The following EXOC6 variants were observed in gnomAD, a reference collection of about 807,000 sequenced individuals.
EXOC6 encodes the protein exocyst complex component 6.
Under a neutral mutation model 112.5 loss-of-function variants are expected in EXOC6, and 60 were observed. The ratio of observed to expected loss-of-function variants is 0.53; its 90% CI spans 0.43 to 0.66. The LOEUF (loss-of-function observed/expected upper bound fraction) is 0.66, where lower values mean the gene tolerates loss of function less well. Ranked by LOEUF, EXOC6 falls within the 30% of genes least tolerant of loss-of-function variation. The pLI is 0.00. For missense variants in EXOC6, 855 were observed against 957.1 expected (o/e 0.89, Z 1.41); for synonymous variants, 295 against 308.0 (o/e 0.96, Z 0.44).
rs1462708998 is a variant in EXOC6 at position 92,954,622 on chromosome 10, G to A, written c.1527-8G>A. The A allele has an allele frequency of 2.0e-6, 3 of 1,474,376 alleles. No homozygotes were observed. The highest frequency in any genetic ancestry group is 2.8e-6 in the Non-Finnish European group (3 of 1,063,558). 91.3% of individuals were successfully genotyped at this position (1,474,376 alleles called of 1,614,324 possible). A position where few individuals can be genotyped will look rare whatever the true frequency, so the allele number is the denominator to read the frequency against. On this transcript the variant is annotated splice_polypyrimidine_tract_variant and splice_region_variant and intron_variant, in intron 15 of 21. Transcript: ENST00000260762. Reference sequence around the variant, plus strand: ...ATTAAGTTTAATAATATCAATCTTTGTTTTTAGCTCAACAGAAATAGACGA... The same window carrying A: ...ATTAAGTTTAATAATATCAATCTTTATTTTTAGCTCAACAGAAATAGACGA...
At chr10:92,901,289 C>T (rs937875434) in intron 5 of EXOC6, 33 of 152,070 alleles carry the variant, frequency 2.2e-4, no homozygotes, top group African/African-American at 8.0e-4. Context: ...TTTTATCATT[C>T]TTGCCTTAAT....
intron 9 of EXOC6, among the ~76,000 whole-genome samples, chr10:92,933,856 G>C (rs971205792): frequency 1.3e-5 from 2 of 152,096 alleles, no homozygotes; most frequent in Non-Finnish European, 2.9e-5. Context: ...TAGGAGGATG[G>C]TATAATACAT....
intron 8 of EXOC6, among the ~76,000 whole-genome samples, 173 bp from the exon 9 acceptor site, chr10:92,928,166 A>G (rs1342424061): frequency 1.3e-5 from 2 of 152,236 alleles, no homozygotes; most frequent in Non-Finnish European, 2.9e-5. Flanking sequence ...CAAACAAATT[A>G]CTATCTTTAA....
chr10:93,014,351 A>C, intron 20 of EXOC6, 84 bp downstream of exon 20: 1 of 1,040,016 alleles, frequency 9.6e-7, no homozygotes, highest in Non-Finnish European at 1.5e-6. Flanking sequence ...ATGCTACAGG[A>C]ATGCCTGTTT....
At chr10:93,039,016 TA>T (rs754095254) in intron 20 of EXOC6, among the ~76,000 whole-genome samples, 46 of 152,072 alleles carry the variant, frequency 3.0e-4, no homozygotes, top group Non-Finnish European at 6.5e-4. Context: ...TGTATATATA[TA>T]TATACCATCT....
intron 17 of EXOC6, among the ~76,000 whole-genome samples, chr10:92,959,765 C>T (rs1853883754): frequency 6.6e-6 from 1 of 152,112 alleles, no homozygotes; most frequent in Admixed American, 6.6e-5. Flanking sequence ...AAAGATGTTC[C>T]ATATATATGT....
chr10:92,954,865 G>GT (rs1278555094), intron 16 of EXOC6, 124 bp downstream of exon 16: 1 of 518,248 alleles, frequency 1.9e-6, no homozygotes, highest in Non-Finnish European at 3.3e-6. Context: ...AAGCAGATTT[G>GT]TTTTCAAAAT....
intron 1 of EXOC6, among the ~76,000 whole-genome samples, chr10:92,853,465 T>C (rs1177265144): frequency 6.6e-6 from 1 of 152,204 alleles, no homozygotes; most frequent in Non-Finnish European, 1.5e-5. Context: ...ATGAACAGAA[T>C]TGGAGGACCC....
intron 17 of EXOC6, among the ~76,000 whole-genome samples, chr10:92,955,929 G>A (rs1415239629): frequency 2.0e-5 from 3 of 152,118 alleles, no homozygotes; most frequent in Admixed American, 2.0e-4. Flanking sequence ...TTTCTACAGT[G>A]TATTATGCTT....
Position 92,926,063 on chromosome 10 carries a change from A to AC in EXOC6, c.889-2276_889-2275insC, listed in dbSNP as rs961861570. On this transcript the variant is annotated intron_variant, in intron 8 of 21. Transcript: ENST00000260762. ...TAGGGTGGACTTTTTAAAAAAAAAA[A>AC]AAAACAAATGCCCTAAGTCTGCAGG... 6.6e-5 allele frequency among the ~76,000 whole-genome samples: 10 copies of AC among 151,870 alleles called. No individual in the cohort carries two copies. In the East Asian group the frequency reaches 7.7e-4, roughly 12 times the overall value.
intron 1 of EXOC6, among the ~76,000 whole-genome samples, chr10:92,858,440 CTT>C (rs1414297495): frequency 6.6e-6 from 1 of 151,774 alleles, no homozygotes; most frequent in Non-Finnish European, 1.5e-5. Flanking sequence ...TTTTTTCTCT[CTT>C]ACTGTTTTTT....
intron 1 of EXOC6, among the ~76,000 whole-genome samples, chr10:92,858,040 A>G (rs1165403364): frequency 1.0e-5 from 1 of 99,280 alleles, no homozygotes; most frequent in Non-Finnish European, 2.1e-5. Flanking sequence ...TCCGCCGGCC[A>G]GCAGTTTGAA....
At chr10:92,889,377 C>A (rs749012457) in intron 1 of EXOC6, among the ~76,000 whole-genome samples, 1 of 152,090 alleles carries the variant, frequency 6.6e-6, no homozygotes, top group Non-Finnish European at 1.5e-5. Context: ...AGAGATTTCC[C>A]ATATATTCCC....
chr10:92,941,729 C>G (rs1379185694), intron 13 of EXOC6, among the ~76,000 whole-genome samples: 1 of 152,074 alleles, frequency 6.6e-6, no homozygotes, highest in Admixed American at 6.5e-5. Flanking sequence ...CTTAAAGAAT[C>G]TAAACGAGAA....
intron 1 of EXOC6, among the ~76,000 whole-genome samples, chr10:92,851,772 A>C (rs2901633): frequency 0.41 from 62,705 of 151,850 alleles, 13,541 homozygotes; most frequent in African/African-American, 0.52. Context: ...AAAAAAGGTT[A>C]AGAAATATTA....
intron 20 of EXOC6, among the ~76,000 whole-genome samples, chr10:93,021,315 A>G (rs1844777982): frequency 6.7e-6 from 1 of 149,604 alleles, no homozygotes; most frequent in Non-Finnish European, 1.5e-5. Context: ...CCCTACCTCT[A>G]AAACAAAACA....
rs1438320311 is a variant in EXOC6, at chr10:92,909,438, C to T, written c.470C>T (p.Ala157Val). ...TTAACTTCTCACAGGTACTATTCTG[C>T]CCTAAAAACTATGGAACAATTAGAG... Reference protein sequence around the residue: ...EQMSAKRYYSALKTMEQLENV... With the variant: ...EQMSAKRYYSVLKTMEQLENV... Residue 157 changes from alanine (A) to valine (V), a missense_variant, in exon 6 of 22, where the codon GCC becomes GTC. Physicochemically the swap from Ala to Val is moderately conservative, Grantham distance 64. Around this residue, in one of 2 missense-constraint regions of EXOC6, gnomAD observed 405 missense variants for 393.6 expected, o/e 1.03. Transcript: ENST00000260762. The T allele has an allele frequency of 6.2e-7, 1 of 1,610,906 alleles. No individual in the cohort carries two copies.
At chr10:92,995,540 T>G (rs1843448212) in intron 18 of EXOC6, among the ~76,000 whole-genome samples, 2 of 152,204 alleles carry the variant, frequency 1.3e-5, no homozygotes, top group African/African-American at 4.8e-5. Flanking sequence ...AGTTGTTCCA[T>G]TAGGTCAAAA....
chr10:92,848,170 T>C (rs1011918669), upstream of EXOC6, among the ~76,000 whole-genome samples: 1 of 152,114 alleles, frequency 6.6e-6, no homozygotes, highest in African/African-American at 2.4e-5. Context: ...GTGTCCACCT[T>C]GCTGATTACT....
Sources: allele counts gnomAD v4.1 joint callset (sites outside exome capture counted in the v4.1 genomes callset), GRCh38; gene constraint gnomAD v4.1.1; regional missense constraint gnomAD v4.1.1; transcripts MANE v1.5; gene names NCBI Gene and HGNC (gene_info 2026-07-23, HGNC 2026-07-21).